RAP1GAP2: variants seen among roughly 807,000 people sequenced by gnomAD.
The protein encoded by RAP1GAP2 is rap1 GTPase-activating protein 2.
A neutral mutation model predicts 95.0 loss-of-function variants in RAP1GAP2; 27 were observed. The observed-to-expected ratio is 0.28, with a 90% CI of 0.21 to 0.39. The LOEUF (loss-of-function observed/expected upper bound fraction) is 0.39. Among genes scored for constraint, RAP1GAP2 ranks in the 10% least tolerant of loss-of-function variants. The probability of loss-of-function intolerance (pLI) is 1.00; values close to 1 mark genes in which losing one functional copy is unlikely to be tolerated. For missense variants in RAP1GAP2, 771 were observed against 970.0 expected (o/e 0.79, Z 2.72); for synonymous variants, 373 against 380.9 (o/e 0.98, Z 0.24).
chr17:2,885,378 C>A (rs973123530), intron 2 of RAP1GAP2, among the ~76,000 whole-genome samples: 14 of 152,202 alleles, frequency 9.2e-5, no homozygotes, highest in African/African-American at 3.1e-4. Flanking sequence ...TCTCAGCATG[C>A]TTTCTCATGG....
At chr17:2,929,326 G>A (rs1261253053) in intron 3 of RAP1GAP2, among the ~76,000 whole-genome samples, 1 of 152,062 alleles carries the variant, frequency 6.6e-6, no homozygotes, top group Non-Finnish European at 1.5e-5. Flanking sequence ...GGCAGGGCCT[G>A]TGGAGGGTGT....
chr17:2,891,805 ATTTCT>A (rs2073725404), intron 2 of RAP1GAP2, among the ~76,000 whole-genome samples: 5 of 63,214 alleles, frequency 7.9e-5, no homozygotes, highest in African/African-American at 2.8e-4. Context: ...GCAGATTCAT[ATTTCT>A]TTTCTTTTTT....
intron 1 of RAP1GAP2, among the ~76,000 whole-genome samples, chr17:2,766,204 T>A (rs1054617857): frequency 6.6e-6 from 1 of 152,152 alleles, no homozygotes; most frequent in Non-Finnish European, 1.5e-5. Context: ...TGGGGCCCAT[T>A]CTACCACGGC....
chr17:3,007,738 TCTG>T (rs1475966442), intron 16 of RAP1GAP2, among the ~76,000 whole-genome samples: 1 of 152,112 alleles, frequency 6.6e-6, no homozygotes, highest in African/African-American at 2.4e-5. Context: ...CACTCTTCCT[TCTG>T]CTCCTCTACC....
At chr17:2,878,665 G>C (rs1165707747) in intron 2 of RAP1GAP2, among the ~76,000 whole-genome samples, 1 of 152,212 alleles carries the variant, frequency 6.6e-6, no homozygotes, top group Non-Finnish European at 1.5e-5. Flanking sequence ...CCTCTCCCCT[G>C]AAGGAGGCGG....
chr17:2,795,297 C>T (rs772046525), upstream of RAP1GAP2, among the ~76,000 whole-genome samples: 7 of 151,888 alleles, frequency 4.6e-5, no homozygotes, highest in Non-Finnish European at 8.8e-5. Flanking sequence ...TTGTAGTGTA[C>T]GTGCCACATC....
intron 1 of RAP1GAP2, among the ~76,000 whole-genome samples, chr17:2,788,297 TTTTG>T (rs1383240867): frequency 6.6e-6 from 1 of 152,086 alleles, no homozygotes; most frequent in Non-Finnish European, 1.5e-5. Flanking sequence ...TGTGGGGTTT[TTTTG>T]TTTGTTTGCT....
chr17:3,018,112 A>C lies in RAP1GAP2; in HGVS notation c.1546A>C (p.Lys516Gln). 1 of 1,591,198 alleles carries C rather than the reference A, an allele frequency of 6.3e-7. No homozygotes were observed. The highest frequency in any genetic ancestry group is 8.6e-7 in the Non-Finnish European group (1 of 1,169,248). Reference sequence around the variant, plus strand: ...CATGGAGACCATGGTGGGCGGCCAGAAGAAGTCGCACAGTGGGGGCATCCC... The same window carrying C: ...CATGGAGACCATGGTGGGCGGCCAGCAGAAGTCGCACAGTGGGGGCATCCC... ...HSMETMVGGQ[K>Q]KSHSGGIPGS... The change falls in exon 18 of 25, where the codon AAG becomes CAG. Residue 516 changes from lysine to glutamine, a missense_variant. Coordinates refer to ENST00000254695, the MANE Select transcript of RAP1GAP2 (RefSeq NM_015085.5).
Position 2,985,063 on chromosome 17 carries a change from G to A in RAP1GAP2, c.810G>A (p.Arg270=). 1 of 1,613,812 alleles carries A rather than the reference G, an allele frequency of 6.2e-7. No homozygotes were observed. Among genetic ancestry groups the A allele is most frequent in the Non-Finnish European group, 8.5e-7 (1 of 1,179,854 alleles). Residue 270 remains arginine, a synonymous_variant, in exon 11 of 25, where the codon AGG becomes AGA. Transcript: ENST00000254695. ...FKFGVIYQKA[R]QTLEEELFGN... ...TCGGAGTCATTTATCAAAAAGCCAGGCAGGTAAGCAGCACCATCCATACCG... is the reference window on the plus strand; with the variant it reads ...TCGGAGTCATTTATCAAAAAGCCAGACAGGTAAGCAGCACCATCCATACCG...
At chr17:2,770,470 C>G (rs915702532) in intron 2 of RAP1GAP2, 2 of 398,610 alleles carry the variant, frequency 5.0e-6, no homozygotes, top group African/African-American at 4.1e-5. Context: ...TGCCTTGACC[C>G]TCACATTCTT....
At chr17:2,821,506 G>A (rs2070305009) in intron 2 of RAP1GAP2, among the ~76,000 whole-genome samples, 1 of 151,340 alleles carries the variant, frequency 6.6e-6, no homozygotes. Context: ...CTCCGGAGTA[G>A]CTGGGACCAC....
intron 2 of RAP1GAP2, among the ~76,000 whole-genome samples, chr17:2,879,333 T>C (rs1289980946): frequency 4.0e-5 from 6 of 150,544 alleles, no homozygotes; most frequent in Admixed American, 2.0e-4. Context: ...CCAGGCTGGT[T>C]TCGAACTACT....
chr17:2,952,238 CTA>C (rs1432779843), intron 3 of RAP1GAP2, among the ~76,000 whole-genome samples: 2 of 152,152 alleles, frequency 1.3e-5, no homozygotes, highest in South Asian at 2.1e-4. Context: ...GTTCAAAACT[CTA>C]TTTTTCTCAC....
At chr17:2,847,752 G>T (rs2071652152) in intron 2 of RAP1GAP2, among the ~76,000 whole-genome samples, 1 of 152,144 alleles carries the variant, frequency 6.6e-6, no homozygotes, top group Non-Finnish European at 1.5e-5. Context: ...TGAGGCGGGG[G>T]CCGGGGGACC....
At chr17:2,923,017 AG>A (rs2042839428) in intron 3 of RAP1GAP2, among the ~76,000 whole-genome samples, 1 of 142,950 alleles carries the variant, frequency 7.0e-6, no homozygotes, top group Non-Finnish European at 1.5e-5. Context: ...CTGGGATTAC[AG>A]GCGTCCACCA....
At chr17:2,895,496 T>C (rs1352151299) in intron 2 of RAP1GAP2, among the ~76,000 whole-genome samples, 1 of 152,164 alleles carries the variant, frequency 6.6e-6, no homozygotes, top group African/African-American at 2.4e-5. Flanking sequence ...CAGTGGATTG[T>C]GGTATTAAAT....
At position 2,820,116 on chromosome 17, in the gene RAP1GAP2, G is replaced by C. The variant is rs145796272; in HGVS notation, c.80+19566G>C. 2.6e-3 allele frequency among the ~76,000 whole-genome samples: 397 copies of C among 152,160 alleles called. 2 individuals are homozygous for C. Among genetic ancestry groups the C allele is most frequent in the African/African-American group, 9.1e-3 (376 of 41,530 alleles). On this transcript the variant is annotated intron_variant, in intron 2 of 24. Coordinates refer to ENST00000254695, the MANE Select transcript of RAP1GAP2 (RefSeq NM_015085.5). Reference sequence around the variant, plus strand: ...TTTTTGGTGCCATGCATATTAATTTGTACAAATAGATCACATTTTTTTTGT... The same window carrying C: ...TTTTTGGTGCCATGCATATTAATTTCTACAAATAGATCACATTTTTTTTGT...
chr17:2,795,040 G>A (rs2151469602), upstream of RAP1GAP2, among the ~76,000 whole-genome samples: 1 of 151,910 alleles, frequency 6.6e-6, no homozygotes, highest in Non-Finnish European at 1.5e-5. Context: ...ATCATGCCTG[G>A]CTCATTTTTG....
Position 2,880,291 on chromosome 17 carries a change from G to A in RAP1GAP2, c.81-24993G>A, listed in dbSNP as rs147439023. ...CAGGAACCCACAGGCTGTGTAGACCGGTTGGGGCAGGTGTGGAGAGGAAGT... is the reference window on the plus strand; with the variant it reads ...CAGGAACCCACAGGCTGTGTAGACCAGTTGGGGCAGGTGTGGAGAGGAAGT... On this transcript the variant is annotated intron_variant, in intron 2 of 24. Transcript: ENST00000254695. 1.1e-4 allele frequency among the ~76,000 whole-genome samples: 16 copies of A among 149,896 alleles called. No homozygotes were observed. The East Asian group carries it at 2.6e-3, about 24-fold the overall frequency.
Sources: gnomAD v4.1 joint callset for allele counts (sites outside exome capture counted in the v4.1 genomes callset) on GRCh38, gnomAD v4.1.1 for gene constraint, MANE v1.5 for transcripts, NCBI Gene and HGNC (gene_info 2026-07-23, HGNC 2026-07-21) for gene names.